MPO: variants seen among roughly 807,000 people sequenced by gnomAD.
MPO encodes myeloperoxidase.
Under a neutral mutation model 69.4 loss-of-function variants are expected in MPO, and 57 were observed. The ratio of observed to expected loss-of-function variants is 0.82; its 90% CI spans 0.66 to 1.02. The LOEUF is 1.02. Ranked by LOEUF, MPO falls within the 50% of genes least tolerant of loss-of-function variation. The pLI, the probability that MPO is intolerant of heterozygous loss-of-function variation, is 0.00. For missense variants in MPO, 971 were observed against 1,014.1 expected (o/e 0.96, Z 0.58); for synonymous variants, 426 against 417.1 (o/e 1.02, Z -0.26).
intron 10 of MPO, 126 bp downstream of exon 10, chr17:58,272,622 A>G (rs1322394381): frequency 2.6e-6 from 3 of 1,148,756 alleles, no homozygotes; most frequent in Non-Finnish European, 3.6e-6. Flanking sequence ...CTACTTCCTG[A>G]GAGCAAAGTG....
At chr17:58,272,334 A>G (rs1338844061) in intron 10 of MPO, among the ~76,000 whole-genome samples, 4 of 152,180 alleles carry the variant, frequency 2.6e-5, no homozygotes, top group Non-Finnish European at 5.9e-5. Flanking sequence ...TTCAAATTTC[A>G]GCTTTGCCAC....
chr17:58,272,886 C>A lies in MPO; in HGVS notation c.1654G>T (p.Ala552Ser). The A allele has an allele frequency of 2.5e-6, 4 of 1,614,132 alleles. No homozygotes were observed. The highest frequency in any genetic ancestry group is 3.4e-6 in the Non-Finnish European group (4 of 1,180,040). ...GIDPILRGLM[A>S]TPAKLNRQNQ... Reference sequence around the variant, plus strand: ...TGACGATTCAGCTTGGCAGGGGTGGCCATGAGGCCCCGGAGGATGGGGTCA... The same window carrying A: ...TGACGATTCAGCTTGGCAGGGGTGGACATGAGGCCCCGGAGGATGGGGTCA... Residue 552 changes from alanine (A) to serine (S), a missense_variant, in exon 10 of 12, where the codon GCC becomes TCC. By Grantham distance (99) the Ala-to-Ser change is moderately conservative. Coordinates refer to ENST00000225275, the MANE Select transcript of MPO (RefSeq NM_000250.2).
In MPO at chr17:58,280,864, C is replaced by T. The variant is rs1402288759; in HGVS notation, c.-106G>A. ...CTCCTTGAGGGAGGGGCTCACTGCTCTCTTATCCCCTTGCCAGCTGCTGTC... is the reference window on the plus strand; with the variant it reads ...CTCCTTGAGGGAGGGGCTCACTGCTTTCTTATCCCCTTGCCAGCTGCTGTC... On this transcript the variant is annotated 5_prime_UTR_variant, in exon 1 of 12. Transcript: ENST00000225275. 6 of 1,346,492 alleles carry T rather than the reference C, an allele frequency of 4.5e-6. No individual in the cohort carries two copies. The highest frequency in any genetic ancestry group is 6.2e-6 in the Non-Finnish European group (6 of 974,736). The allele number at this position is 1,346,492 out of a possible 1,614,324, so 83.4% of individuals were successfully genotyped here.
Position 58,275,142 on chromosome 17 carries a change from C to CT in MPO, c.1365+399_1365+400insA, listed in dbSNP as rs1567828034. ...CCTCCCAAAGTGCTGGGATTACAGG[C>CT]ATGAGCCACCGCGCCCAGCCCTATA... On this transcript the variant is annotated intron_variant, in intron 8 of 11. Transcript: ENST00000225275. The surrounding 1 kb of genome is among the most constrained non-coding windows in gnomAD (Gnocchi z 4.1). 6.6e-6 allele frequency among the ~76,000 whole-genome samples: 1 copy of CT among 152,118 alleles called. No individual in the cohort carries two copies. Among genetic ancestry groups the CT allele is most frequent in the African/African-American group, 2.4e-5 (1 of 41,428 alleles).
intron 6 of MPO, among the ~76,000 whole-genome samples, chr17:58,278,425 C>G (rs1056713967): frequency 6.6e-6 from 1 of 152,154 alleles, no homozygotes. Context: ...TCTCTCTCCC[C>G]TTCTCTCTGC....
chr17:58,277,984 C>G lies in MPO; in HGVS notation c.1047G>C (p.Leu349=), dbSNP rs533522174. 3 of 1,613,894 alleles carry G rather than the reference C, an allele frequency of 1.9e-6. No homozygotes were observed. The South Asian group carries it at 3.3e-5, about 18-fold the overall frequency. Residue 349 remains leucine (L), a synonymous_variant, in exon 7 of 12, where the codon CTG becomes CTC. Coordinates refer to ENST00000225275, the MANE Select transcript of MPO (RefSeq NM_000250.2). ...ASMVYGSEEP[L]ARNLRNMSNQ... is the part of the protein sequence containing the mutation. Reference sequence around the variant, plus strand: ...TGGACATGTTGCGCAGGTTCCTGGCCAGGGGCTCCTCGCTGCCGTACACCA... The same window carrying G: ...TGGACATGTTGCGCAGGTTCCTGGCGAGGGGCTCCTCGCTGCCGTACACCA...
rs757136644 is a variant in MPO at position 58,279,307 on chromosome 17, G to A, written c.668C>T (p.Pro223Leu). Residue 223 changes from proline to leucine, a missense_variant, in exon 5 of 12, where the codon CCG becomes CTG. Pro to Leu is a moderately conservative substitution (Grantham distance 98). Transcript: ENST00000225275. Reference sequence around the variant, plus strand: ...CCCGCCGGCGCTCACCAGAGCCACCGGGAAGCCGTTGCGCTTGACCCCGGG... The same window carrying A: ...CCCGCCGGCGCTCACCAGAGCCACCAGGAAGCCGTTGCGCTTGACCCCGGG... ...WTPGVKRNGF[P>L]VALARAVSNE... The A allele has an allele frequency of 4.5e-6, 7 of 1,567,660 alleles. No individual in the cohort carries two copies. The highest frequency in any genetic ancestry group is 1.2e-5 in the South Asian group (1 of 86,316).
In MPO at chr17:58,271,759, G is replaced by A. The variant is rs770512121; in HGVS notation, c.1926C>T (p.Ile642=). Residue 642 remains isoleucine, a synonymous_variant, in exon 11 of 12, where the codon ATC becomes ATT. Coordinates refer to ENST00000225275, the MANE Select transcript of MPO (RefSeq NM_000250.2). Reference sequence around the variant, plus strand: ...GAGGCTCGGACACGCCGCCCATCCAGATGTCGATGTTGTTGGGCGTGCCAT... The same window carrying A: ...GAGGCTCGGACACGCCGCCCATCCAAATGTCGATGTTGTTGGGCGTGCCAT... ...EQYGTPNNID[I]WMGGVSEPLK... 13 of 1,613,966 alleles carry A rather than the reference G, an allele frequency of 8.1e-6. 1 individual carries two copies. The highest frequency in any genetic ancestry group is 1.6e-4 in the Middle Eastern group (1 of 6,084).
Position 58,270,603 on chromosome 17 carries a change from C to G in MPO, c.*53G>C. 2 of 1,472,798 alleles carry G rather than the reference C, an allele frequency of 1.4e-6. No homozygotes were observed. Among genetic ancestry groups the G allele is most frequent in the African/African-American group, 2.8e-5 (2 of 71,600 alleles). 91.2% of individuals were successfully genotyped at this position (1,472,798 alleles called of 1,614,324 possible). ...CTAGGGCAAGGAGATCTCCGTGGTTCCAACTGGCCAGCCCAGATATACCCC... is the reference window on the plus strand; with the variant it reads ...CTAGGGCAAGGAGATCTCCGTGGTTGCAACTGGCCAGCCCAGATATACCCC... On this transcript the variant is annotated 3_prime_UTR_variant, in exon 12 of 12. Transcript: ENST00000225275. The surrounding 1 kb of genome is among the most constrained non-coding windows in gnomAD (Gnocchi z 4.1).
intron 8 of MPO, among the ~76,000 whole-genome samples, chr17:58,274,476 G>C (rs955939802): frequency 6.6e-6 from 1 of 151,996 alleles, no homozygotes; most frequent in Admixed American, 6.6e-5. Context: ...CATTGCCCCA[G>C]GGGTAAATGA....
In MPO at chr17:58,275,418, C is replaced by G. The variant is rs1367691877; in HGVS notation, c.1365+124G>C. ...GTGTTTTCATATATGTATTATAATC[C>G]TTACAGCCTCATGGATGAAGAAGGC... On this transcript the variant is annotated intron_variant, in intron 8 of 11. Transcript: ENST00000225275. The surrounding 1 kb of genome is among the most constrained non-coding windows in gnomAD (Gnocchi z 4.1). The G allele has an allele frequency of 3.2e-6, 4 of 1,242,252 alleles. No individual in the cohort carries two copies. The highest frequency in any genetic ancestry group is 2.6e-4 in the Middle Eastern group (1 of 3,918). The allele number at this position is 1,242,252 out of a possible 1,614,324, so 77.0% of individuals were successfully genotyped here. A position where few individuals can be genotyped will look rare whatever the true frequency, so the allele number is the denominator to read the frequency against.
rs1970425374 is a variant in MPO, at chr17:58,275,554, C to T, written c.1353G>A (p.Gly451=). The change falls in exon 8 of 12, where the codon GGG becomes GGA. Residue 451 remains glycine (G), a synonymous_variant. Coordinates refer to ENST00000225275, the MANE Select transcript of MPO (RefSeq NM_000250.2). The surrounding 1 kb of genome is among the most constrained non-coding windows in gnomAD (Gnocchi z 4.1). The part of the protein sequence containing the change: ...RLYQEARKIV[G]AMVQIITYRD... ...CAAGACGGCCTACCTGGACCATGGC[C>T]CCCACGATCTTCCGGGCTTCCTGGT... is the stretch of plus-strand genomic sequence containing the variant. 3 of 1,614,138 alleles carry T rather than the reference C, an allele frequency of 1.9e-6. No individual in the cohort carries two copies. Among genetic ancestry groups the T allele is most frequent in the Non-Finnish European group, 2.5e-6 (3 of 1,180,018 alleles).
rs370006511 is a variant in MPO, at chr17:58,275,736, G to A, written c.1205-34C>T. The A allele has an allele frequency of 1.1e-5, 18 of 1,613,208 alleles. No homozygotes were observed. The African/African-American group carries it at 2.4e-4, about 22-fold the overall frequency. On this transcript the variant is annotated intron_variant, in intron 7 of 11. Transcript: ENST00000225275. The surrounding 1 kb of genome is among the most constrained non-coding windows in gnomAD (Gnocchi z 4.1). The stretch of plus-strand genomic sequence containing the variant: ...GGCAAAAGCCACTGTCATTCTTAAG[G>A]CCTCCATCCCAGAAAAGATTTGCTC...
intron 7 of MPO, among the ~76,000 whole-genome samples, chr17:58,276,984 T>C (rs1407573374): frequency 1.3e-5 from 2 of 152,010 alleles, no homozygotes; most frequent in African/African-American, 4.8e-5. Flanking sequence ...GGCAGGCGCC[T>C]GTAGTCCCAG....
chr17:58,276,433 C>G (rs531484851), intron 7 of MPO, among the ~76,000 whole-genome samples: 2 of 152,200 alleles, frequency 1.3e-5, no homozygotes, highest in African/African-American at 4.8e-5. Flanking sequence ...CCTGGTTCCC[C>G]TAGTCCTCCC....
In MPO at chr17:58,270,843, C is replaced by A; in HGVS notation, c.2051G>T (p.Gly684Val). ...DGDRFWWENE[G>V]VFSMQQRQAL... ...CTGTCGCTGCTGCATGCTGAACACA[C>A]CCTCGTTCTCCCACCAAAACCTGCA... is the stretch of plus-strand genomic sequence containing the variant. Residue 684 changes from glycine to valine, a missense_variant, in exon 12 of 12, where the codon GGT becomes GTT. Physicochemically the swap from Gly to Val is moderately radical, Grantham distance 109 (BLOSUM62 -3). Coordinates refer to ENST00000225275, the MANE Select transcript of MPO (RefSeq NM_000250.2). The surrounding 1 kb of genome is among the most constrained non-coding windows in gnomAD (Gnocchi z 4.1). 6.2e-7 allele frequency: 1 copy of A among 1,613,356 alleles called. No homozygotes were observed. The highest frequency in any genetic ancestry group is 8.5e-7 in the Non-Finnish European group (1 of 1,180,030).
In MPO at chr17:58,279,979, G is replaced by T. The variant is rs1015188690; in HGVS notation, c.284C>A (p.Pro95His). ...CTTGAAGTAGGATAGGAGTTCCATG[G>T]GGCTGGCTGAGCCGCTGCGAAGCCG... ...KQRLRSGSAS[P>H]MELLSYFKQP... The change falls in exon 3 of 12, where the codon CCC becomes CAC. Residue 95 changes from proline (P) to histidine (H), a missense_variant. By Grantham distance (77) the Pro-to-His change is moderately conservative. Coordinates refer to ENST00000225275, the MANE Select transcript of MPO (RefSeq NM_000250.2). 1.9e-6 allele frequency: 3 copies of T among 1,613,562 alleles called. No homozygotes were observed. The highest frequency in any genetic ancestry group is 2.7e-5 in the African/African-American group (2 of 74,914).
chr17:58,274,266 G>A, intron 8 of MPO: 1 of 463,340 alleles, frequency 2.2e-6, no homozygotes, highest in Non-Finnish European at 4.3e-6. Flanking sequence ...ATTTTGGAGT[G>A]TAAATGAATT....
chr17:58,275,643 C>G lies in MPO; in HGVS notation c.1264G>C (p.Glu422Gln). 1 of 1,614,156 alleles carries G rather than the reference C, an allele frequency of 6.2e-7. No homozygotes were observed. Among genetic ancestry groups the G allele is most frequent in the Non-Finnish European group, 8.5e-7 (1 of 1,180,030 alleles). ...AGCTCTGTGGCCAGCCGGTTGTGCT[C>G]CCGAAGTAAGAGGGTGTGCATGGAG... is the stretch of plus-strand genomic sequence containing the variant. ...LTSMHTLLLR[E>Q]HNRLATELKS... Residue 422 changes from glutamate to glutamine, a missense_variant, in exon 8 of 12, where the codon GAG becomes CAG. Transcript: ENST00000225275. The surrounding 1 kb of genome is among the most constrained non-coding windows in gnomAD (Gnocchi z 4.1).
Sources: allele counts gnomAD v4.1 joint callset (sites outside exome capture counted in the v4.1 genomes callset), GRCh38; gene constraint gnomAD v4.1.1; non-coding constraint Gnocchi (gnomAD v3.1); transcripts MANE v1.5; gene names NCBI Gene and HGNC (gene_info 2026-07-23, HGNC 2026-07-21).